RIMS1: variants seen among roughly 807,000 people sequenced by gnomAD.
The protein encoded by RIMS1 is regulating synaptic membrane exocytosis 1.
RIMS1 carries 83 observed loss-of-function variants against 214.1 expected under a neutral mutation model. The ratio of observed to expected loss-of-function variants is 0.39; its 90% CI spans 0.32 to 0.47. The LOEUF (loss-of-function observed/expected upper bound fraction) is 0.47. Among genes scored for constraint, RIMS1 ranks in the 20% least tolerant of loss-of-function variants. The pLI, the probability that RIMS1 is intolerant of heterozygous loss-of-function variation, is 0.99. For synonymous variants in RIMS1, 793 were observed against 786.8 expected (o/e 1.01, Z -0.13); for missense variants, 2,050 against 2,161.8 (o/e 0.95, Z 1.03).
chr6:72,164,168 G>A (rs11520597), intron 4 of RIMS1, among the ~76,000 whole-genome samples: 19 of 152,184 alleles, frequency 1.2e-4, no homozygotes, highest in African/African-American at 3.1e-4. Flanking sequence ...GCGAGACTCC[G>A]TGGGCATAGG....
intron 29 of RIMS1, among the ~76,000 whole-genome samples, chr6:72,360,335 C>T (rs2097776275): frequency 6.6e-6 from 1 of 152,338 alleles, no homozygotes; most frequent in East Asian, 1.9e-4. Context: ...CTATTTATCA[C>T]ATACCTTCTG....
At chr6:71,967,636 C>T (rs754403443) in intron 1 of RIMS1, among the ~76,000 whole-genome samples, 15 of 152,292 alleles carry the variant, frequency 9.8e-5, no homozygotes, top group Middle Eastern at 3.4e-3. Context: ...TTTGTGGTTT[C>T]TGTGGATGTT....
In RIMS1 at chr6:72,118,932, T is replaced by G. The variant is rs922038111; in HGVS notation, c.471+18946T>G. On this transcript the variant is annotated intron_variant, in intron 4 of 33. Coordinates refer to ENST00000521978, the MANE Select transcript of RIMS1 (RefSeq NM_014989.7). ...CTGAAACAAGACAAGGATACCCACT[T>G]TCACCACTTCCATTCAGCATCATAC... Among the ~76,000 whole-genome samples, 4 of 151,524 alleles carry G rather than the reference T, an allele frequency of 2.6e-5. No individual in the cohort carries two copies. In the Admixed American group the frequency reaches 2.6e-4, roughly 10 times the overall value.
Position 71,985,711 on chromosome 6 carries a change from G to GT in RIMS1, c.245+16650dup, listed in dbSNP as rs537315615. On this transcript the variant is annotated intron_variant, in intron 2 of 33. Transcript: ENST00000521978. ...TTTAGTTAGTTTTTGAGAAACAGCC[G>GT]TTAAACATTTATCAGCAGACCACTG... is the stretch of plus-strand genomic sequence containing the variant. Among the ~76,000 whole-genome samples the GT allele has an allele frequency of 6.3e-3, 955 of 152,176 alleles. 6 individuals are homozygous for GT. Among genetic ancestry groups the GT allele is most frequent in the South Asian group, 0.019 (90 of 4,814 alleles).
intron 29 of RIMS1, among the ~76,000 whole-genome samples, chr6:72,381,530 G>T (rs1235910172): frequency 2.0e-5 from 3 of 152,158 alleles, no homozygotes; most frequent in African/African-American, 7.2e-5. Context: ...TAGTACAGAT[G>T]GTATGTTTCA....
chr6:72,310,410 T>C (rs2095448851), intron 27 of RIMS1, among the ~76,000 whole-genome samples: 1 of 152,070 alleles, frequency 6.6e-6, no homozygotes. Context: ...CTATTTTTTT[T>C]TTATTGGTGG....
chr6:71,922,339 G>A (rs568570814), intron 1 of RIMS1, among the ~76,000 whole-genome samples: 5 of 152,000 alleles, frequency 3.3e-5, no homozygotes, highest in Non-Finnish European at 7.4e-5. Context: ...TCATCTCCTG[G>A]TAACTCTATT....
At chr6:72,024,603 G>T (rs1248196789) in intron 2 of RIMS1, among the ~76,000 whole-genome samples, 25 of 151,870 alleles carry the variant, frequency 1.6e-4, no homozygotes, top group Admixed American at 1.5e-3. Flanking sequence ...AGTTTTCAGG[G>T]GTCTGCAGAT....
chr6:72,195,256 C>T (rs1344123817), intron 6 of RIMS1, among the ~76,000 whole-genome samples: 6 of 152,162 alleles, frequency 3.9e-5, no homozygotes, highest in Non-Finnish European at 8.8e-5. Flanking sequence ...GAAAGTACAA[C>T]ACAAATTAAT....
At chr6:72,339,845 C>T (rs1262533255) in intron 29 of RIMS1, among the ~76,000 whole-genome samples, 3 of 151,760 alleles carry the variant, frequency 2.0e-5, no homozygotes, top group Non-Finnish European at 4.4e-5. Context: ...TTCTAGATCC[C>T]TGAGGAATTG....
intron 28 of RIMS1, among the ~76,000 whole-genome samples, chr6:72,320,138 G>A (rs934349997): frequency 5.9e-5 from 9 of 152,102 alleles, no homozygotes; most frequent in Non-Finnish European, 1.3e-4. Context: ...GAATTTAACA[G>A]TTGGATTTGA....
At chr6:71,888,465 G>A (rs1207614669) in intron 1 of RIMS1, among the ~76,000 whole-genome samples, 1 of 152,198 alleles carries the variant, frequency 6.6e-6, no homozygotes, top group Non-Finnish European at 1.5e-5. Flanking sequence ...CAGACACAGA[G>A]CACATTCTGC....
intron 2 of RIMS1, among the ~76,000 whole-genome samples, chr6:72,009,056 T>C (rs1809125671): frequency 6.6e-6 from 1 of 152,266 alleles, no homozygotes; most frequent in African/African-American, 2.4e-5. Context: ...CATTCCAAAA[T>C]TGACCACATA....
intron 2 of RIMS1, among the ~76,000 whole-genome samples, chr6:72,016,660 G>A (rs531960084): frequency 1.3e-5 from 2 of 152,204 alleles, no homozygotes; most frequent in African/African-American, 4.8e-5. Flanking sequence ...TGCTTTTATG[G>A]AGGATATAAT....
intron 1 of RIMS1, among the ~76,000 whole-genome samples, chr6:71,920,746 A>T (rs1212791543): frequency 6.6e-6 from 1 of 152,188 alleles, no homozygotes; most frequent in African/African-American, 2.4e-5. Context: ...GCATTAAATG[A>T]GCCTATTTAC....
intron 1 of RIMS1, among the ~76,000 whole-genome samples, chr6:71,959,174 T>TA (rs753899379): frequency 5.9e-5 from 9 of 152,230 alleles, no homozygotes; most frequent in Middle Eastern, 3.4e-3. Flanking sequence ...AAAGCCCAGG[T>TA]AATAACACAT....
intron 29 of RIMS1, among the ~76,000 whole-genome samples, chr6:72,373,281 T>C (rs977259513): frequency 1.3e-5 from 2 of 152,252 alleles, no homozygotes; most frequent in Admixed American, 6.5e-5. Flanking sequence ...TAAGCCAGTA[T>C]TTAATATTCT....
chr6:72,194,477 T>G (rs1056309168), intron 6 of RIMS1, among the ~76,000 whole-genome samples: 5 of 152,156 alleles, frequency 3.3e-5, no homozygotes, highest in African/African-American at 9.7e-5. Flanking sequence ...ACATTTTCTA[T>G]GTATTTACTG....
chr6:71,902,322 C>A (rs1773897049), intron 1 of RIMS1, among the ~76,000 whole-genome samples: 1 of 151,926 alleles, frequency 6.6e-6, no homozygotes, highest in South Asian at 2.1e-4. Flanking sequence ...GGTTTATCAG[C>A]AAGACAATTG....
Sources: allele counts gnomAD v4.1 joint callset (sites outside exome capture counted in the v4.1 genomes callset), GRCh38; gene constraint gnomAD v4.1.1; transcripts MANE v1.5; gene names NCBI Gene and HGNC (gene_info 2026-07-23, HGNC 2026-07-21).